The following WDPCP variants were observed in gnomAD, a reference collection of about 807,000 sequenced individuals.
WDPCP encodes WD repeat containing planar cell polarity effector.
Under a neutral mutation model 93.1 loss-of-function variants are expected in WDPCP, and 71 were observed. The ratio of observed to expected loss-of-function variants is 0.76; its 90% CI spans 0.63 to 0.93. WDPCP has a LOEUF of 0.93. Ranked by LOEUF, WDPCP falls within the 40% of genes least tolerant of loss-of-function variation. WDPCP has a pLI of 0.00. For missense variants in WDPCP, 844 were observed against 887.4 expected, an observed-to-expected ratio of 0.95 and a Z score of 0.62; for synonymous variants, 315 against 315.0, an observed-to-expected ratio of 1.00 and a Z score of 0.00.
chr2:63,534,321 A>ATTGG (rs1704097338), intron 1 of WDPCP, among the ~76,000 whole-genome samples: 1 of 152,216 alleles, frequency 6.6e-6, no homozygotes, highest in South Asian at 2.1e-4. Context: ...AACTATTCCA[A>ATTGG]TCAATAGAAA....
chr2:63,217,615 C>G (rs1472324881), intron 14 of WDPCP, among the ~76,000 whole-genome samples: 1 of 152,036 alleles, frequency 6.6e-6, no homozygotes, highest in Non-Finnish European at 1.5e-5. Flanking sequence ...CTTTCTTTCT[C>G]CTGAACTAAA....
rs750261021 is a variant in WDPCP at position 63,120,028 on chromosome 2, A to G, written c.*1978T>C. 2.6e-5 allele frequency among the ~76,000 whole-genome samples: 4 copies of G among 152,118 alleles called. No individual in the cohort carries two copies. Among genetic ancestry groups the G allele is most frequent in the Non-Finnish European group, 4.4e-5 (3 of 68,018 alleles). On this transcript the variant is annotated 3_prime_UTR_variant, in exon 18 of 18. Transcript: ENST00000272321. ...ATTTTCACCTACATAACTGGCAAAC[A>G]TTTTCATTATTATTATCATTATGTA...
At chr2:63,746,954 CG>C (rs1054308869) in intron 2 of WDPCP, among the ~76,000 whole-genome samples, 15 of 151,970 alleles carry the variant, frequency 9.9e-5, no homozygotes, top group Non-Finnish European at 1.9e-4. Context: ...TTTTATGGCT[CG>C]GGGGCATCAT....
intron 13 of WDPCP, among the ~76,000 whole-genome samples, chr2:63,268,531 A>G (rs1364241184): frequency 6.6e-6 from 1 of 152,188 alleles, no homozygotes; most frequent in Non-Finnish European, 1.5e-5. Context: ...CAATGGCACA[A>G]CCATGGCTCA....
At chr2:63,725,943 C>A (rs1009497255) in intron 2 of WDPCP, among the ~76,000 whole-genome samples, 1 of 152,054 alleles carries the variant, frequency 6.6e-6, no homozygotes, top group African/African-American at 2.4e-5. Flanking sequence ...GGATATTAGA[C>A]CTTTGCTGGA....
intron 2 of WDPCP, among the ~76,000 whole-genome samples, chr2:63,487,786 C>A (rs1291707480): frequency 6.6e-6 from 1 of 152,084 alleles, no homozygotes; most frequent in African/African-American, 2.4e-5. Flanking sequence ...TTCTCTTTCA[C>A]ACATCCTCTG....
intron 2 of WDPCP, among the ~76,000 whole-genome samples, chr2:63,808,384 G>A (rs901056288): frequency 7.6e-6 from 1 of 131,282 alleles, no homozygotes; most frequent in Non-Finnish European, 1.5e-5. Context: ...GTCTCCCTCT[G>A]ATGCCGAGCC....
At chr2:63,399,229 T>G (rs1693968155) in intron 10 of WDPCP, among the ~76,000 whole-genome samples, 1 of 152,260 alleles carries the variant, frequency 6.6e-6, no homozygotes, top group Non-Finnish European at 1.5e-5. Flanking sequence ...ACCTTTTCAT[T>G]TGAATGCTTG....
At chr2:63,703,231 A>C (rs1040675354) in intron 2 of WDPCP, among the ~76,000 whole-genome samples, 1 of 152,230 alleles carries the variant, frequency 6.6e-6, no homozygotes, top group African/African-American at 2.4e-5. Context: ...CTTTGGTTAT[A>C]TACCCAGTAA....
At position 63,277,045 on chromosome 2, in the gene WDPCP, A is replaced by T. The variant is rs1455398194; in HGVS notation, c.1813-17636T>A. 1.9e-4 allele frequency among the ~76,000 whole-genome samples: 29 copies of T among 152,226 alleles called. 1 individual carries two copies. The highest frequency in any genetic ancestry group is 1.9e-3 in the Admixed American group (29 of 15,280). ...GCATATTTCTCAGCAGAAACCCTAT[A>T]AGCTAAAAGGAATTGGGGTCCTATT... On this transcript the variant is annotated intron_variant, in intron 13 of 17. Transcript: ENST00000272321.
At chr2:63,182,938 G>A (rs1436624462) in intron 14 of WDPCP, among the ~76,000 whole-genome samples, 1 of 151,730 alleles carries the variant, frequency 6.6e-6, no homozygotes, top group South Asian at 2.1e-4. Flanking sequence ...GTGTAGAGGT[G>A]TTCATGGTAG....
intron 9 of WDPCP, among the ~76,000 whole-genome samples, chr2:63,431,613 T>C (rs1696768429): frequency 6.6e-6 from 1 of 151,872 alleles, no homozygotes; most frequent in Non-Finnish European, 1.5e-5. Context: ...CTGGTACTTT[T>C]GGTTCACGAT....
At chr2:63,806,718 G>T (rs986028686) in intron 2 of WDPCP, among the ~76,000 whole-genome samples, 18 of 152,252 alleles carry the variant, frequency 1.2e-4, no homozygotes, top group African/African-American at 3.9e-4. Flanking sequence ...CTTTCTCAGG[G>T]ATGTTCCATG....
intron 1 of WDPCP, among the ~76,000 whole-genome samples, chr2:63,503,672 T>A (rs1376313509): frequency 1.3e-5 from 2 of 152,106 alleles, no homozygotes; most frequent in African/African-American, 4.8e-5. Flanking sequence ...TAATTCTAGA[T>A]TAAAACTCTA....
At chr2:63,582,820 C>T (rs1447196442) in intron 1 of WDPCP, among the ~76,000 whole-genome samples, 2 of 152,046 alleles carry the variant, frequency 1.3e-5, no homozygotes, top group African/African-American at 4.8e-5. Context: ...ACTCTATATC[C>T]GGTGAAAATA....
At chr2:63,199,273 A>AGGAATTCAAGCT (rs76861529) in intron 14 of WDPCP, among the ~76,000 whole-genome samples, 33,630 of 152,166 alleles carry the variant, frequency 0.22, 4,236 homozygotes, top group Non-Finnish European at 0.3. Flanking sequence ...ACTTTCTGGG[A>AGGAATTCAAGCT]GGCTGCAGAA....
chr2:63,776,944 G>A (rs975076474), intron 2 of WDPCP, among the ~76,000 whole-genome samples: 2 of 152,088 alleles, frequency 1.3e-5, no homozygotes, highest in African/African-American at 4.8e-5. Flanking sequence ...GGAAGAGGTT[G>A]GTCAATGAGT....
At chr2:63,143,969 T>C (rs562184689) in intron 17 of WDPCP, among the ~76,000 whole-genome samples, 1 of 152,356 alleles carries the variant, frequency 6.6e-6, no homozygotes, top group South Asian at 2.1e-4. Context: ...GTGCTTCTTG[T>C]ATTTGGATGT....
intron 1 of WDPCP, among the ~76,000 whole-genome samples, chr2:63,532,849 A>G (rs988212875): frequency 6.6e-6 from 1 of 152,222 alleles, no homozygotes; most frequent in East Asian, 1.9e-4. Flanking sequence ...GATCAAATTA[A>G]CACGTAACAA....
Sources: gnomAD v4.1 joint callset for allele counts (sites outside exome capture counted in the v4.1 genomes callset) on GRCh38, gnomAD v4.1.1 for gene constraint, MANE v1.5 for transcripts, NCBI Gene and HGNC (gene_info 2026-07-23, HGNC 2026-07-21) for gene names.